The following RUBCN variants were observed in gnomAD, a reference collection of about 807,000 sequenced individuals.
RUBCN encodes run domain Beclin-1-interacting and cysteine-rich domain-containing protein.
In RUBCN, 74 loss-of-function variants were observed where a neutral mutation model predicts 113.2. That is an observed-to-expected ratio of 0.65 (90% CI 0.54 to 0.79). The LOEUF is 0.79. Ranked by LOEUF, RUBCN falls within the 30% of genes least tolerant of loss-of-function variation. The probability of loss-of-function intolerance (pLI) is 0.00; values close to 1 mark genes in which losing one functional copy is unlikely to be tolerated. For synonymous variants in RUBCN, 480 were observed against 490.0 expected (o/e 0.98, Z 0.27); for missense variants, 1,109 against 1,251.7 (o/e 0.89, Z 1.72).
rs141233427 is a variant in RUBCN at position 197,716,831 on chromosome 3, G to T, written c.219+1146C>A. ...CATAAGGAGAGAAAGGGATGTGAAAGCAGAGAGGGCTGGGCACGGTGGCTC... is the reference window on the plus strand; with the variant it reads ...CATAAGGAGAGAAAGGGATGTGAAATCAGAGAGGGCTGGGCACGGTGGCTC... On this transcript the variant is annotated intron_variant, in intron 2 of 19. Coordinates refer to ENST00000296343, the MANE Select transcript of RUBCN (RefSeq NM_014687.4). Among the ~76,000 whole-genome samples, 774 of 152,216 alleles carry T rather than the reference G, an allele frequency of 5.1e-3. 6 individuals are homozygous for T. The highest frequency in any genetic ancestry group is 0.017 in the South Asian group (83 of 4,820).
At chr3:197,689,013 G>A (rs1395005090) in intron 11 of RUBCN, among the ~76,000 whole-genome samples, 1 of 151,718 alleles carries the variant, frequency 6.6e-6, no homozygotes, top group Non-Finnish European at 1.5e-5. Context: ...TTGTACACTT[G>A]AAGTGGGTGA....
chr3:197,692,099 C>T (rs1298646837), intron 11 of RUBCN, among the ~76,000 whole-genome samples: 6 of 152,014 alleles, frequency 3.9e-5, no homozygotes, highest in East Asian at 3.9e-4. Flanking sequence ...AGGGTTAGAG[C>T]TTTTACTCCC....
chr3:197,741,059 T>C (rs1214745512), upstream of RUBCN, among the ~76,000 whole-genome samples: 1 of 152,238 alleles, frequency 6.6e-6, no homozygotes, highest in Non-Finnish European at 1.5e-5. Flanking sequence ...TGGGTATTCA[T>C]TGCACTATTT....
rs1002039584 is a variant in RUBCN, at chr3:197,669,548, T to C, written c.*5470A>G. Among the ~76,000 whole-genome samples the C allele has an allele frequency of 6.6e-6, 1 of 152,238 alleles. No homozygotes were observed. The highest frequency in any genetic ancestry group is 2.4e-5 in the African/African-American group (1 of 41,456). ...GTACCCCTTTCATTGTATTAGTAGG[T>C]ACATGACATCCAATGACATCTTTGG... On this transcript the variant is annotated 3_prime_UTR_variant, in exon 20 of 20. Coordinates refer to ENST00000296343, the MANE Select transcript of RUBCN (RefSeq NM_014687.4).
chr3:197,674,871 A>G lies in RUBCN; in HGVS notation c.*147T>C. Reference sequence around the variant, plus strand: ...ACGGCTGACTGCACACAGACGTCAGACAAGTCAGTAAAAAAAAAAAAAAAG... The same window carrying G: ...ACGGCTGACTGCACACAGACGTCAGGCAAGTCAGTAAAAAAAAAAAAAAAG... On this transcript the variant is annotated 3_prime_UTR_variant, in exon 20 of 20. Coordinates refer to ENST00000296343, the MANE Select transcript of RUBCN (RefSeq NM_014687.4). The G allele has an allele frequency of 1.5e-6, 1 of 681,312 alleles. No homozygotes were observed. The highest frequency in any genetic ancestry group is 2.3e-6 in the Non-Finnish European group (1 of 431,144). 42.2% of individuals were successfully genotyped at this position (681,312 alleles called of 1,614,324 possible). A position where few individuals can be genotyped will look rare whatever the true frequency, so the allele number is the denominator to read the frequency against.
chr3:197,746,213 C>T (rs939479357), intron 1 of RUBCN, among the ~76,000 whole-genome samples: 1 of 152,172 alleles, frequency 6.6e-6, no homozygotes, highest in South Asian at 2.1e-4. Flanking sequence ...GGATAGCCAT[C>T]GCGAAACATG....
In RUBCN at chr3:197,674,518, T is replaced by C. The variant is rs763690879; in HGVS notation, c.*500A>G. The C allele has an allele frequency of 1.9e-5, 10 of 514,228 alleles. No individual in the cohort carries two copies. The highest frequency in any genetic ancestry group is 4.0e-5 in the Non-Finnish European group (10 of 250,442). The allele number at this position is 514,228 out of a possible 1,614,324, so 31.9% of individuals were successfully genotyped here. A position where few individuals can be genotyped will look rare whatever the true frequency, so the allele number is the denominator to read the frequency against. On this transcript the variant is annotated 3_prime_UTR_variant, in exon 20 of 20. Transcript: ENST00000296343. ...CCCATGACGTAGTCCTATTCTCTGC[T>C]GCTTCTCCTCGGGGCACAGTCTGAC...
intron 11 of RUBCN, among the ~76,000 whole-genome samples, chr3:197,693,283 G>C (rs1345183738): frequency 6.6e-6 from 1 of 152,192 alleles, no homozygotes; most frequent in Non-Finnish European, 1.5e-5. Flanking sequence ...TTGTAAACCT[G>C]ATGTTTTTCC....
chr3:197,675,009 G>T lies in RUBCN; in HGVS notation c.*9C>A. On this transcript the variant is annotated 3_prime_UTR_variant, in exon 20 of 20. Transcript: ENST00000296343. The surrounding 1 kb of genome is among the most constrained non-coding windows in gnomAD (Gnocchi z 4.4). ...ACCCGGCCCGGAGGGAGGGCTGCACGTGCTTTCTTCAGGTGGCCTCCAGGA... is the reference window on the plus strand; with the variant it reads ...ACCCGGCCCGGAGGGAGGGCTGCACTTGCTTTCTTCAGGTGGCCTCCAGGA... 1 of 1,610,754 alleles carries T rather than the reference G, an allele frequency of 6.2e-7. No individual in the cohort carries two copies. Among genetic ancestry groups the T allele is most frequent in the East Asian group, 2.2e-5 (1 of 44,868 alleles).
chr3:197,749,401 C>A, exon 1 of RUBCN: 3 of 1,194,114 alleles, frequency 2.5e-6, no homozygotes, highest in Non-Finnish European at 3.2e-6. Flanking sequence ...ACGCAGGAAC[C>A]GTCACTGCAG....
chr3:197,682,405 GA>G, intron 14 of RUBCN, 64 bp downstream of exon 14: 1 of 1,598,210 alleles, frequency 6.3e-7, no homozygotes, highest in Admixed American at 1.7e-5. Flanking sequence ...TGGGTGAGAC[GA>G]AAACCCTGAC....
intron 16 of RUBCN, among the ~76,000 whole-genome samples, chr3:197,680,534 A>G (rs1721099373): frequency 6.6e-6 from 1 of 151,430 alleles, no homozygotes; most frequent in East Asian, 1.9e-4. Flanking sequence ...GCTCTAACTG[A>G]CAACTGGCTT....
chr3:197,707,959 G>C (rs1460735434), intron 2 of RUBCN, among the ~76,000 whole-genome samples: 1 of 146,156 alleles, frequency 6.8e-6, no homozygotes, highest in Non-Finnish European at 1.5e-5. Flanking sequence ...GCAATACTCT[G>C]TCTCAAAAAA....
intron 18 of RUBCN, 60 bp downstream of exon 18, chr3:197,676,825 C>T: frequency 6.2e-7 from 1 of 1,612,592 alleles, no homozygotes; most frequent in Non-Finnish European, 8.5e-7. Flanking sequence ...CAGGTCCACC[C>T]CCCTCCCTGT....
chr3:197,731,148 G>A (rs1177454477), intron 1 of RUBCN, among the ~76,000 whole-genome samples: 1 of 151,892 alleles, frequency 6.6e-6, no homozygotes, highest in African/African-American at 2.4e-5. Flanking sequence ...GCGGCCTTCC[G>A]CAGTGTTTGT....
intron 1 of RUBCN, among the ~76,000 whole-genome samples, chr3:197,742,365 C>T (rs974915421): frequency 6.6e-6 from 1 of 151,870 alleles, no homozygotes; most frequent in Non-Finnish European, 1.5e-5. Context: ...TGGTGGCGGA[C>T]GCCTGTAATC....
At chr3:197,746,613 G>A (rs1441275008) in intron 1 of RUBCN, among the ~76,000 whole-genome samples, 1 of 152,098 alleles carries the variant, frequency 6.6e-6, no homozygotes, top group Non-Finnish European at 1.5e-5. Flanking sequence ...AAAAATCACT[G>A]TTTATCTGAA....
rs1580332082 is a variant in RUBCN at position 197,717,876 on chromosome 3, G to A, written c.219+101C>T. On this transcript the variant is annotated intron_variant, in intron 2 of 19. Transcript: ENST00000296343. ...TGAATTAAGTCACAGCTGCTCTCAG[G>A]AGTCCACAGACCAGTGGCCTTCATC... The A allele has an allele frequency of 8.7e-6, 11 of 1,263,682 alleles. No homozygotes were observed. In the East Asian group the frequency reaches 2.1e-4, roughly 24 times the overall value. 78.3% of individuals were successfully genotyped at this position (1,263,682 alleles called of 1,614,324 possible).
At chr3:197,699,269 T>C (rs746770550) in intron 7 of RUBCN, 2 of 1,427,576 alleles carry the variant, frequency 1.4e-6, no homozygotes, top group Admixed American at 2.0e-5. Flanking sequence ...AGAGTCCAGA[T>C]AGAGCAATGA....
Sources: allele counts gnomAD v4.1 joint callset (sites outside exome capture counted in the v4.1 genomes callset), GRCh38; gene constraint gnomAD v4.1.1; non-coding constraint Gnocchi (gnomAD v3.1); transcripts MANE v1.5; gene names NCBI Gene and HGNC (gene_info 2026-07-23, HGNC 2026-07-21).